The following PCDH7 variants were observed in gnomAD, a reference collection of about 807,000 sequenced individuals.
The protein encoded by PCDH7 is protocadherin-7.
A neutral mutation model predicts 58.9 loss-of-function variants in PCDH7; 17 were observed. The ratio of observed to expected loss-of-function variants is 0.29; its 90% confidence interval spans 0.20 to 0.43. PCDH7 has a LOEUF of 0.43. Among genes scored for constraint, PCDH7 ranks in the 20% least tolerant of loss-of-function variants. The probability of loss-of-function intolerance (pLI) is 1.00; values close to 1 mark genes in which losing one functional copy is unlikely to be tolerated. For synonymous variants in PCDH7, 664 were observed against 616.4 expected (o/e 1.08, Z -1.14); for missense variants, 1,274 against 1,441.0 (o/e 0.88, Z 1.88).
intron 1 of PCDH7, among the ~76,000 whole-genome samples, chr4:30,743,580 T>A (rs1400120482): frequency 1.3e-5 from 2 of 151,846 alleles, no homozygotes; most frequent in Non-Finnish European, 2.9e-5. Flanking sequence ...TGTATCTTTC[T>A]GTACTTTTAT....
chr4:31,020,708 T>A (rs563860715), intron 3 of PCDH7, among the ~76,000 whole-genome samples: 1 of 152,334 alleles, frequency 6.6e-6, no homozygotes, highest in South Asian at 2.1e-4. Context: ...ACCCCAGCAA[T>A]CTTAGTTTAG....
At position 30,722,442 on chromosome 4, in the gene PCDH7, C is replaced by A; in HGVS notation, c.1020C>A (p.Asn340Lys). The A allele has an allele frequency of 6.2e-7, 1 of 1,612,122 alleles. No homozygotes were observed. The highest frequency in any genetic ancestry group is 8.5e-7 in the Non-Finnish European group (1 of 1,179,690). Residue 340 changes from asparagine to lysine, a missense_variant, in exon 1 of 2, where the codon AAC (asparagine) becomes AAA (lysine). Physicochemically the swap from Asn to Lys is moderately conservative, Grantham distance 94. Around this residue, in one of 3 missense-constraint regions of PCDH7, gnomAD observed 331 missense variants for 303.2 expected, o/e 1.09. Transcript: ENST00000361762. This position sits in a 1 kb window ranked among gnomAD's most constrained non-coding sequence, Gnocchi z 7.6. ...CAGCCGACTTGGACGTGGGGGTCAA[C>A]GGGCAGATCGAATACGTGTTCGGGG...
At chr4:30,867,753 T>C (rs1298689413) in intron 1 of PCDH7, among the ~76,000 whole-genome samples, 1 of 152,068 alleles carries the variant, frequency 6.6e-6, no homozygotes, top group African/African-American at 2.4e-5. Flanking sequence ...CTGTCACTCA[T>C]ATGGATCACC....
chr4:31,035,120 G>A (rs891355065), intron 3 of PCDH7, among the ~76,000 whole-genome samples: 2 of 152,134 alleles, frequency 1.3e-5, no homozygotes, highest in Non-Finnish European at 2.9e-5. Context: ...TTAGGAATCT[G>A]TGCTCTCATG....
chr4:30,739,971 C>A (rs766099834), intron 1 of PCDH7, among the ~76,000 whole-genome samples: 1 of 152,132 alleles, frequency 6.6e-6, no homozygotes, highest in African/African-American at 2.4e-5. Context: ...ATATTTTAGG[C>A]ACTGGTCAAC....
At chr4:31,131,019 C>T (rs1251872790) in intron 3 of PCDH7, among the ~76,000 whole-genome samples, 1 of 152,142 alleles carries the variant, frequency 6.6e-6, no homozygotes, top group African/African-American at 2.4e-5. Context: ...AGGATGCATA[C>T]ATTTTTGGAG....
chr4:31,034,120 A>C (rs557087308), intron 3 of PCDH7, among the ~76,000 whole-genome samples: 17 of 151,872 alleles, frequency 1.1e-4, no homozygotes, highest in East Asian at 5.9e-4. Context: ...CAAACAAAAA[A>C]CTATCCAGAT....
At chr4:30,797,803 T>G (rs1724991376) in intron 1 of PCDH7, among the ~76,000 whole-genome samples, 1 of 152,208 alleles carries the variant, frequency 6.6e-6, no homozygotes, top group African/African-American at 2.4e-5. Flanking sequence ...TTACGTGTTT[T>G]CTGGGGGCAC....
intron 1 of PCDH7, among the ~76,000 whole-genome samples, chr4:30,823,824 G>A (rs778996771): frequency 2.4e-4 from 36 of 152,068 alleles, no homozygotes; most frequent in Admixed American, 1.7e-3. Context: ...AGAACAAATA[G>A]CACCCAACCA....
chr4:30,767,421 G>A (rs1177680674), intron 1 of PCDH7, among the ~76,000 whole-genome samples: 1 of 152,110 alleles, frequency 6.6e-6, no homozygotes, highest in East Asian at 1.9e-4. Flanking sequence ...TGATGCTAAC[G>A]ATTCATCAAG....
intron 3 of PCDH7, among the ~76,000 whole-genome samples, chr4:31,008,705 A>G (rs1237621361): frequency 6.6e-6 from 1 of 152,076 alleles, no homozygotes; most frequent in African/African-American, 2.4e-5. Flanking sequence ...GTATTATTCT[A>G]ACTCCTATAC....
chr4:30,975,143 T>TTGTGTGTGTGTGTGTG (rs35675648), intron 3 of PCDH7, among the ~76,000 whole-genome samples: 4 of 138,764 alleles, frequency 2.9e-5, no homozygotes, highest in Non-Finnish European at 6.2e-5. Flanking sequence ...TTCCCTTTCA[T>TTGTGTGTGTGTGTGTG]TGTGTGTGTG....
At chr4:30,859,013 T>C (rs17719504) in intron 1 of PCDH7, among the ~76,000 whole-genome samples, 13,854 of 152,184 alleles carry the variant, frequency 0.091, 771 homozygotes, top group Non-Finnish European at 0.12. Context: ...TTCTCTAGCT[T>C]TCATCCTGAG....
chr4:30,731,633 G>C (rs548835097), exon 2 of PCDH7: 2 of 151,976 alleles, frequency 1.3e-5, no homozygotes, highest in African/African-American at 2.4e-5. Context: ...TATGGACTAC[G>C]TTTATCAGAA....
intron 1 of PCDH7, among the ~76,000 whole-genome samples, chr4:30,889,782 A>G (rs1017940659): frequency 3.5e-4 from 54 of 152,252 alleles, no homozygotes; most frequent in African/African-American, 1.3e-3. Flanking sequence ...TGACCTAATC[A>G]TCTCCCAATG....
chr4:31,029,713 C>A (rs951299038), intron 3 of PCDH7, among the ~76,000 whole-genome samples: 1 of 152,048 alleles, frequency 6.6e-6, no homozygotes, highest in Non-Finnish European at 1.5e-5. Flanking sequence ...GAGTAGAATA[C>A]CAGATGAAGA....
At chr4:31,066,866 C>G (rs1431351364) in intron 3 of PCDH7, among the ~76,000 whole-genome samples, 1 of 151,900 alleles carries the variant, frequency 6.6e-6, no homozygotes, top group African/African-American at 2.4e-5. Flanking sequence ...TTAAACATCT[C>G]TCCCATAAAT....
chr4:31,063,061 G>GACTC (rs1236543979), intron 3 of PCDH7, among the ~76,000 whole-genome samples: 1 of 151,810 alleles, frequency 6.6e-6, no homozygotes, highest in African/African-American at 2.4e-5. Context: ...AAGACTTTGA[G>GACTC]AGAATGAAGT....
intron 1 of PCDH7, among the ~76,000 whole-genome samples, chr4:30,847,305 C>T (rs907407796): frequency 3.9e-5 from 6 of 152,128 alleles, no homozygotes. Flanking sequence ...TGAGAATCCA[C>T]TATGAGTAGT....
Sources: gnomAD v4.1 joint callset for allele counts (sites outside exome capture counted in the v4.1 genomes callset) on GRCh38, gnomAD v4.1.1 for gene constraint, gnomAD v4.1.1 regional missense constraint, Gnocchi (gnomAD v3.1) non-coding constraint, MANE v1.5 for transcripts, NCBI Gene and HGNC (gene_info 2026-07-23, HGNC 2026-07-21) for gene names.